PTPRD: variants seen among roughly 807,000 people sequenced by gnomAD.
PTPRD encodes receptor-type tyrosine-protein phosphatase delta.
Under a neutral mutation model 214.5 loss-of-function variants are expected in PTPRD, and 34 were observed. The observed-to-expected ratio is 0.16, with a 90% confidence interval of 0.12 to 0.21. PTPRD has a LOEUF of 0.21. Among genes scored for constraint, PTPRD ranks in the 10% least tolerant of loss-of-function variants. The pLI, the probability that PTPRD is intolerant of heterozygous loss-of-function variation, is 1.00. For synonymous variants in PTPRD, 1,128 were observed against 845.7 expected, an observed-to-expected ratio of 1.33 and a Z score of -5.79; for missense variants, 2,545 against 2,398.7, an observed-to-expected ratio of 1.06 and a Z score of -1.27.
At chr9:8,688,564 CAAAA>C (rs547442943) in intron 12 of PTPRD, among the ~76,000 whole-genome samples, 3 of 76,014 alleles carry the variant, frequency 3.9e-5, no homozygotes, top group Admixed American at 1.4e-4. Flanking sequence ...GACTCTGTCT[CAAAA>C]AAAAAAAAAA....
intron 5 of PTPRD, among the ~76,000 whole-genome samples, chr9:9,771,161 C>A (rs1386585243): frequency 6.6e-6 from 1 of 152,038 alleles, no homozygotes; most frequent in African/African-American, 2.4e-5. Context: ...TGTTCTTTTT[C>A]CCACCTTTAT....
chr9:8,886,551 A>G (rs1012955526), intron 11 of PTPRD, among the ~76,000 whole-genome samples: 6 of 152,184 alleles, frequency 3.9e-5, no homozygotes, highest in African/African-American at 1.4e-4. Flanking sequence ...GAATGGGGAC[A>G]TTTACTTGAT....
intron 12 of PTPRD, among the ~76,000 whole-genome samples, chr9:8,686,103 C>A (rs1303646230): frequency 6.6e-6 from 1 of 152,236 alleles, no homozygotes; most frequent in Non-Finnish European, 1.5e-5. Flanking sequence ...ACATCTATAA[C>A]CCTTGAACTT....
chr9:10,520,199 A>T (rs1036131911), intron 2 of PTPRD, among the ~76,000 whole-genome samples: 2 of 152,190 alleles, frequency 1.3e-5, no homozygotes, highest in Non-Finnish European at 2.9e-5. Context: ...TTATTGAAGC[A>T]AAAGTGCTAC....
At chr9:8,512,119 T>C (rs1320208468) in intron 21 of PTPRD, among the ~76,000 whole-genome samples, 2 of 152,110 alleles carry the variant, frequency 1.3e-5, no homozygotes, top group African/African-American at 4.8e-5. Flanking sequence ...ATTGCTAAAA[T>C]ATCCAGTATT....
At chr9:8,534,648 C>G (rs2076498361) in intron 14 of PTPRD, among the ~76,000 whole-genome samples, 1 of 151,810 alleles carries the variant, frequency 6.6e-6, no homozygotes, top group Non-Finnish European at 1.5e-5. Context: ...TACACACACA[C>G]ACACACACTA....
At chr9:9,225,221 G>C (rs2133558934) in intron 9 of PTPRD, among the ~76,000 whole-genome samples, 1 of 152,000 alleles carries the variant, frequency 6.6e-6, no homozygotes, top group Non-Finnish European at 1.5e-5. Flanking sequence ...GGTTTCTAGA[G>C]AAAAAAATTT....
In PTPRD at chr9:9,225,539, C is replaced by T. The variant is rs4266701; in HGVS notation, c.-202-42176G>A. On this transcript the variant is annotated intron_variant, in intron 9 of 45. Transcript: ENST00000381196. Reference sequence around the variant, plus strand: ...AAATCTATCTATGCAGAACCCACTTCCTCACACATCACCCAATGCTATCAG... The same window carrying T: ...AAATCTATCTATGCAGAACCCACTTTCTCACACATCACCCAATGCTATCAG... Among the ~76,000 whole-genome samples, 1,220 of 152,182 alleles carry T rather than the reference C, an allele frequency of 8.0e-3. 62 individuals carry two copies. Among genetic ancestry groups the T allele is most frequent in the Admixed American group, 0.073 (1,111 of 15,240 alleles).
intron 5 of PTPRD, among the ~76,000 whole-genome samples, chr9:9,908,138 T>C (rs987162328): frequency 2.0e-5 from 3 of 151,490 alleles, no homozygotes; most frequent in Non-Finnish European, 4.4e-5. Context: ...AAAAAGTATC[T>C]AGTTGGGCAA....
chr9:10,499,387 C>T (rs891445847), intron 2 of PTPRD, among the ~76,000 whole-genome samples: 1 of 151,878 alleles, frequency 6.6e-6, no homozygotes, highest in African/African-American at 2.4e-5. Context: ...TAAACAAAGA[C>T]CATATATTCA....
At chr9:9,269,791 T>G (rs1942018316) in intron 9 of PTPRD, among the ~76,000 whole-genome samples, 1 of 151,136 alleles carries the variant, frequency 6.6e-6, no homozygotes. Context: ...CACTTATACA[T>G]GCAATCTAAA....
At chr9:9,775,249 T>C (rs914546730) in intron 5 of PTPRD, among the ~76,000 whole-genome samples, 1 of 152,226 alleles carries the variant, frequency 6.6e-6, no homozygotes, top group African/African-American at 2.4e-5. Flanking sequence ...TGTTTTATTG[T>C]ACTGCTAACA....
chr9:9,860,332 A>G (rs1318900290), intron 5 of PTPRD, among the ~76,000 whole-genome samples: 1 of 152,214 alleles, frequency 6.6e-6, no homozygotes, highest in Non-Finnish European at 1.5e-5. Flanking sequence ...CTAAAGGACA[A>G]TTGAACTATG....
At chr9:9,065,987 G>T (rs1242485508) in intron 10 of PTPRD, among the ~76,000 whole-genome samples, 2 of 152,012 alleles carry the variant, frequency 1.3e-5, no homozygotes, top group African/African-American at 4.8e-5. Flanking sequence ...ATAATATAAA[G>T]TAAATTTTCA....
At chr9:9,010,730 T>G (rs1472065487) in intron 11 of PTPRD, among the ~76,000 whole-genome samples, 2 of 152,158 alleles carry the variant, frequency 1.3e-5, no homozygotes, top group African/African-American at 4.8e-5. Context: ...TCCATCCCTC[T>G]GTAAATAGTC....
chr9:9,006,146 T>C (rs1339063380), intron 11 of PTPRD, among the ~76,000 whole-genome samples: 1 of 152,006 alleles, frequency 6.6e-6, no homozygotes, highest in Non-Finnish European at 1.5e-5. Context: ...TTCACTTTTG[T>C]GTCTGAAGCA....
chr9:10,332,595 G>A (rs540410162), intron 3 of PTPRD, among the ~76,000 whole-genome samples: 4 of 151,788 alleles, frequency 2.6e-5, no homozygotes, highest in Middle Eastern at 3.4e-3. Flanking sequence ...AGCATATAAC[G>A]TGTACTACCT....
chr9:10,047,093 C>T (rs957327501), intron 3 of PTPRD, among the ~76,000 whole-genome samples: 1 of 151,806 alleles, frequency 6.6e-6, no homozygotes, highest in African/African-American at 2.4e-5. Context: ...AGAGTCAGCT[C>T]ACCTATAGTT....
intron 9 of PTPRD, among the ~76,000 whole-genome samples, chr9:9,289,416 C>T (rs776003087): frequency 6.6e-6 from 1 of 151,862 alleles, no homozygotes; most frequent in East Asian, 2.0e-4. Context: ...TATACTTAGA[C>T]ATTCTGTCAT....
Sources: allele counts gnomAD v4.1 joint callset (sites outside exome capture counted in the v4.1 genomes callset), GRCh38; gene constraint gnomAD v4.1.1; transcripts MANE v1.5; gene names NCBI Gene and HGNC (gene_info 2026-07-23, HGNC 2026-07-21).